DDX17: variants seen among roughly 807,000 people sequenced by gnomAD.
DDX17 encodes the protein probable ATP-dependent RNA helicase DDX17.
DDX17 carries 10 observed loss-of-function variants against 80.8 expected under a neutral mutation model. That is an observed-to-expected ratio of 0.12 (90% CI 0.08 to 0.21). DDX17 has a LOEUF of 0.21. Ranked by LOEUF, DDX17 falls within the 10% of genes least tolerant of loss-of-function variation. DDX17 has a pLI of 1.00. For missense variants in DDX17, 586 were observed against 957.4 expected, an observed-to-expected ratio of 0.61 and a Z score of 5.12; for synonymous variants, 339 against 336.2, an observed-to-expected ratio of 1.01 and a Z score of -0.09.
rs1337990301 is a variant in DDX17, at chr22:38,506,132, C to G, written c.106G>C (p.Glu36Gln). The change falls in exon 1 of 13, where the codon GAG becomes CAG. Residue 36 changes from glutamate to glutamine, a missense_variant. By Grantham distance (29) the Glu-to-Gln change is conservative. Transcript: ENST00000403230. ...GGGGCGGCGGCAGGCGCAGCGCTCT[C>G]TCGCTCCGACGCGCTGTCTCCCGTC... is the stretch of plus-strand genomic sequence containing the variant. The G allele has an allele frequency of 2.8e-5, 45 of 1,579,538 alleles. No homozygotes were observed. The highest frequency in any genetic ancestry group is 3.9e-5 in the Non-Finnish European group (45 of 1,164,138).
rs745813738 is a variant in DDX17, at chr22:38,506,119, G to A, written c.119C>T (p.Pro40Leu). 28 of 1,576,802 alleles carry A rather than the reference G, an allele frequency of 1.8e-5. No homozygotes were observed. Among genetic ancestry groups the A allele is most frequent in the Non-Finnish European group, 2.3e-5 (27 of 1,162,288 alleles). The change falls in exon 1 of 13, where the codon CCT (proline) becomes CTT (leucine). Residue 40 changes from proline to leucine, a missense_variant. Around this residue, in one of 4 missense-constraint regions of DDX17, gnomAD observed 215 missense variants for 238.4 expected, o/e 0.90. Coordinates refer to ENST00000403230, the MANE Select transcript of DDX17 (RefSeq NM_006386.5). ...CGCCTCCGCTGTTGGGGCGGCGGCA[G>A]GCGCAGCGCTCTCTCGCTCCGACGC... is the stretch of plus-strand genomic sequence containing the variant.
rs2089693492 is a variant in DDX17 at position 38,489,613 on chromosome 22, A to T, written c.1448-1498T>A. ...AGACTGGATTAATTTCAAGGGAGAA[A>T]GGGGAGATTAAAAAAAAAAAATTAG... On this transcript the variant is annotated intron_variant, in intron 11 of 12. Transcript: ENST00000403230. The surrounding 1 kb of genome is among the most constrained non-coding windows in gnomAD (Gnocchi z 4.6). 1 of 984,968 alleles carries T rather than the reference A, an allele frequency of 1.0e-6. No homozygotes were observed. Among genetic ancestry groups the T allele is most frequent in the Non-Finnish European group, 1.2e-6 (1 of 829,690 alleles). The allele number at this position is 984,968 out of a possible 1,614,324, so 61.0% of individuals were successfully genotyped here. A position where few individuals can be genotyped will look rare whatever the true frequency, so the allele number is the denominator to read the frequency against.
At chr22:38,493,678 A>G in intron 10 of DDX17, 32 bp downstream of exon 10, 1 of 1,533,314 alleles carries the variant, frequency 6.5e-7, no homozygotes, top group Non-Finnish European at 9.0e-7. Context: ...GGGGGTGGGG[A>G]ATCAACAGAA....
rs2089881450 is a variant in DDX17 at position 38,506,126 on chromosome 22, C to A, written c.112G>T (p.Ala38Ser). The change falls in exon 1 of 13, where the codon GCT becomes TCT. Residue 38 changes from alanine to serine, a missense_variant. Physicochemically the swap from Ala to Ser is moderately conservative, Grantham distance 99 (BLOSUM62 1). Around this residue, in one of 4 missense-constraint regions of DDX17, gnomAD observed 215 missense variants for 238.4 expected, o/e 0.90. Transcript: ENST00000403230. ...GCTGTTGGGGCGGCGGCAGGCGCAG[C>A]GCTCTCTCGCTCCGACGCGCTGTCT... 1 of 1,576,838 alleles carries A rather than the reference C, an allele frequency of 6.3e-7. No homozygotes were observed. Among genetic ancestry groups the A allele is most frequent in the African/African-American group, 1.4e-5 (1 of 73,982 alleles).
chr22:38,498,313 T>C, intron 4 of DDX17, 127 bp downstream of exon 4: 9 of 1,431,370 alleles, frequency 6.3e-6, no homozygotes, highest in South Asian at 1.3e-5. Context: ...TGCTTCCATA[T>C]ATTTAATAAC....
intron 5 of DDX17, 144 bp from the exon 6 acceptor site, chr22:38,496,081 G>A (rs1039246158): frequency 2.8e-6 from 2 of 705,546 alleles, no homozygotes; most frequent in South Asian, 7.4e-5. Context: ...AAGATCAGAA[G>A]TGGGGAATAT....
chr22:38,503,078 T>C (rs2089846389), intron 1 of DDX17, among the ~76,000 whole-genome samples: 1 of 152,196 alleles, frequency 6.6e-6, no homozygotes, highest in African/African-American at 2.4e-5. Context: ...TTTATACCAC[T>C]ACTGAGACAG....
intron 4 of DDX17, 37 bp from the exon 5 acceptor site, chr22:38,498,187 G>A: frequency 2.5e-6 from 4 of 1,600,654 alleles, no homozygotes; most frequent in Middle Eastern, 3.3e-4. Flanking sequence ...CTTACGCTTA[G>A]AAGTACAATC....
At chr22:38,504,566 A>C (rs570146084) in intron 1 of DDX17, among the ~76,000 whole-genome samples, 3 of 152,340 alleles carry the variant, frequency 2.0e-5, no homozygotes, top group Non-Finnish European at 4.4e-5. Context: ...CACGCGAAGC[A>C]AACATTCCAC....
intron 1 of DDX17, 65 bp from the exon 2 acceptor site, chr22:38,501,345 G>T: frequency 6.6e-7 from 1 of 1,520,014 alleles, no homozygotes; most frequent in East Asian, 2.3e-5. Context: ...CATGCCATAA[G>T]AATATTCAAA....
intron 5 of DDX17, among the ~76,000 whole-genome samples, chr22:38,497,015 G>A (rs541304931): frequency 2.6e-5 from 4 of 152,124 alleles, no homozygotes; most frequent in East Asian, 3.9e-4. Context: ...AAAAAGTTAA[G>A]TAGGCCGGGC....
intron 1 of DDX17, among the ~76,000 whole-genome samples, chr22:38,503,812 T>C (rs975372112): frequency 6.6e-6 from 1 of 152,244 alleles, no homozygotes; most frequent in Non-Finnish European, 1.5e-5. Context: ...ACCTCACCTA[T>C]TCCTTTTTCA....
Position 38,488,128 on chromosome 22 carries a change from T to A in DDX17, c.1448-13A>T. ...ACATCTTCCACATCTTCCACGTCAA[T>A]GATGAGTCAGTGTGTAGGTTGATGT... is the stretch of plus-strand genomic sequence containing the variant. On this transcript the variant is annotated splice_polypyrimidine_tract_variant and intron_variant, in intron 11 of 12. Coordinates refer to ENST00000403230, the MANE Select transcript of DDX17 (RefSeq NM_006386.5). The A allele has an allele frequency of 1.9e-6, 3 of 1,614,056 alleles. No individual in the cohort carries two copies. Among genetic ancestry groups the A allele is most frequent in the Non-Finnish European group, 2.5e-6 (3 of 1,180,004 alleles).
At position 38,498,562 on chromosome 22, in the gene DDX17, C is replaced by G; in HGVS notation, c.550G>C (p.Asp184His). 1 of 1,614,076 alleles carries G rather than the reference C, an allele frequency of 6.2e-7. No individual in the cohort carries two copies. Among genetic ancestry groups the G allele is most frequent in the Non-Finnish European group, 8.5e-7 (1 of 1,179,948 alleles). Residue 184 changes from aspartate (D) to histidine (H), a missense_variant, in exon 4 of 13, where the codon GAT becomes CAT. Coordinates refer to ENST00000403230, the MANE Select transcript of DDX17 (RefSeq NM_006386.5). ...GTAAAGTGCTGATCCATCAACACAT[C>G]CATTACATATTCTGTAAGAGAATTT... is the stretch of plus-strand genomic sequence containing the variant.
chr22:38,488,223 G>A (rs766658681), intron 11 of DDX17, 108 bp from the exon 12 acceptor site: 54 of 1,596,008 alleles, frequency 3.4e-5, no homozygotes, highest in Non-Finnish European at 4.6e-5. Context: ...GACAGCAAGA[G>A]GAAAGAAGGT....
In DDX17 at chr22:38,485,331, A is replaced by C. The variant is rs1028519422; in HGVS notation, c.*604T>G. The C allele has an allele frequency of 5.9e-5, 9 of 152,238 alleles. No homozygotes were observed. The highest frequency in any genetic ancestry group is 1.3e-4 in the Non-Finnish European group (9 of 68,050). 9.4% of individuals were successfully genotyped at this position (152,238 alleles called of 1,614,324 possible). On this transcript the variant is annotated 3_prime_UTR_variant, in exon 13 of 13. Transcript: ENST00000403230. ...GGGAGGCAGAGTGTGAAGGGAAATA[A>C]AACCAATTAGTAATTTTTAACTATC...
intron 10 of DDX17, 29 bp downstream of exon 10, chr22:38,493,681 C>T: frequency 1.3e-6 from 2 of 1,568,774 alleles, no homozygotes; most frequent in Non-Finnish European, 1.8e-6. Context: ...GGTGGGGAAT[C>T]AACAGAAAAT....
intron 1 of DDX17, among the ~76,000 whole-genome samples, chr22:38,503,281 G>A (rs556507088): frequency 1.3e-5 from 2 of 152,268 alleles, no homozygotes; most frequent in South Asian, 4.1e-4. Flanking sequence ...GAAAGTCTTT[G>A]GATTATCACT....
At chr22:38,498,637 A>G (rs1210995246) in intron 3 of DDX17, 64 bp from the exon 4 acceptor site, 1 of 1,568,936 alleles carries the variant, frequency 6.4e-7, no homozygotes, top group Non-Finnish European at 8.7e-7. Context: ...GAGTTTTTAA[A>G]AAAACTTTTA....
Sources: gnomAD v4.1 joint callset for allele counts (sites outside exome capture counted in the v4.1 genomes callset) on GRCh38, gnomAD v4.1.1 for gene constraint, gnomAD v4.1.1 regional missense constraint, Gnocchi (gnomAD v3.1) non-coding constraint, MANE v1.5 for transcripts, NCBI Gene and HGNC (gene_info 2026-07-23, HGNC 2026-07-21) for gene names.